Variants in GABBR2 observed in about 807,000 individuals in gnomAD.
GABBR2 encodes G-protein coupled receptor 51.
GABBR2 carries 23 observed loss-of-function variants against 105.6 expected under a neutral mutation model. The ratio of observed to expected loss-of-function variants is 0.22; its 90% CI spans 0.16 to 0.31. The LOEUF (loss-of-function observed/expected upper bound fraction) is 0.31, where lower values mean the gene tolerates loss of function less well. GABBR2 is among the 10% of genes least tolerant of loss of function. GABBR2 has a pLI of 1.00. For missense variants in GABBR2, 734 were observed against 1,245.5 expected (o/e 0.59, Z 6.18); for synonymous variants, 478 against 499.7 (o/e 0.96, Z 0.58).
intron 1 of GABBR2, among the ~76,000 whole-genome samples, chr9:98,591,520 C>T (rs1422758171): frequency 6.6e-6 from 1 of 152,128 alleles, no homozygotes; most frequent in Non-Finnish European, 1.5e-5. Context: ...AGGAGGAAGA[C>T]CCAATGGGGA....
At chr9:98,648,116 T>TGTGTATATAGATAGATAG in intron 1 of GABBR2, among the ~76,000 whole-genome samples, 2 of 55,948 alleles carry the variant, frequency 3.6e-5, no homozygotes, top group Non-Finnish European at 6.8e-5. Flanking sequence ...TGTGTGTGTG[T>TGTGTATATAGATAGATAG]ATAGATAGAT....
At chr9:98,550,007 C>G (rs1461166750) in intron 2 of GABBR2, among the ~76,000 whole-genome samples, 5 of 152,178 alleles carry the variant, frequency 3.3e-5, no homozygotes, top group Admixed American at 3.3e-4. Flanking sequence ...TGAGTGGTTG[C>G]CTTGAAGCCA....
chr9:98,344,142 C>T (rs1168718712), intron 13 of GABBR2, among the ~76,000 whole-genome samples: 1 of 152,016 alleles, frequency 6.6e-6, no homozygotes, highest in Non-Finnish European at 1.5e-5. Flanking sequence ...GTCCTTGGTC[C>T]CCTTCTCTTC....
chr9:98,423,073 C>T (rs1416769094), intron 7 of GABBR2, among the ~76,000 whole-genome samples: 7 of 152,098 alleles, frequency 4.6e-5, no homozygotes, highest in East Asian at 1.9e-4. Context: ...AATAAACACA[C>T]GTGTGCATGT....
At chr9:98,567,761 C>T (rs961734834) in intron 2 of GABBR2, among the ~76,000 whole-genome samples, 1 of 152,116 alleles carries the variant, frequency 6.6e-6, no homozygotes, top group East Asian at 1.9e-4. Flanking sequence ...GCTGCTAATT[C>T]GCCTAAGTTC....
chr9:98,652,731 G>T (rs929514565), intron 1 of GABBR2, among the ~76,000 whole-genome samples: 1 of 152,212 alleles, frequency 6.6e-6, no homozygotes, highest in Non-Finnish European at 1.5e-5. Context: ...GGAGGCAATG[G>T]GTCTTTTCCA....
intron 7 of GABBR2, among the ~76,000 whole-genome samples, chr9:98,423,431 C>T (rs1336909762): frequency 6.6e-6 from 1 of 152,090 alleles, no homozygotes; most frequent in African/African-American, 2.4e-5. Context: ...CTGTTCATAA[C>T]CTTTGCCCAC....
chr9:98,637,314 C>G (rs918052545), intron 1 of GABBR2, among the ~76,000 whole-genome samples: 2 of 152,142 alleles, frequency 1.3e-5, no homozygotes, highest in Admixed American at 6.5e-5. Context: ...CCTCCCCAAG[C>G]CCTTTCTTGT....
chr9:98,639,342 T>C (rs2131834915), intron 1 of GABBR2, among the ~76,000 whole-genome samples: 1 of 152,292 alleles, frequency 6.6e-6, no homozygotes, highest in Admixed American at 6.5e-5. Context: ...ATCCATTGTG[T>C]GTGCTACCAT....
intron 1 of GABBR2, among the ~76,000 whole-genome samples, chr9:98,633,972 G>A (rs1829848006): frequency 1.3e-5 from 2 of 152,198 alleles, no homozygotes; most frequent in Admixed American, 6.5e-5. Context: ...CTGAGCTGTG[G>A]TCAGTTACAC....
At chr9:98,317,378 C>A (rs953865481) in intron 13 of GABBR2, among the ~76,000 whole-genome samples, 1 of 152,218 alleles carries the variant, frequency 6.6e-6, no homozygotes, top group African/African-American at 2.4e-5. Flanking sequence ...CAATTACTCA[C>A]AATGTAGGTC....
At chr9:98,363,125 G>GT (rs1236703470) in intron 12 of GABBR2, among the ~76,000 whole-genome samples, 1 of 152,186 alleles carries the variant, frequency 6.6e-6, no homozygotes, top group African/African-American at 2.4e-5. Context: ...CCAGGTCTCT[G>GT]TAGGTGCTAG....
chr9:98,670,253 G>A, intron 1 of GABBR2, among the ~76,000 whole-genome samples: 1 of 149,974 alleles, frequency 6.7e-6, no homozygotes. Context: ...GTCAATTATA[G>A]AACATTTTCG....
chr9:98,472,124 T>G (rs1489112056), intron 6 of GABBR2, among the ~76,000 whole-genome samples: 1 of 152,200 alleles, frequency 6.6e-6, no homozygotes, highest in Non-Finnish European at 1.5e-5. Context: ...ATATAAAATT[T>G]GGTCTGTAAG....
chr9:98,557,099 A>G (rs1828598488), intron 2 of GABBR2, among the ~76,000 whole-genome samples: 1 of 152,144 alleles, frequency 6.6e-6, no homozygotes, highest in Non-Finnish European at 1.5e-5. Context: ...TTTTATAGGA[A>G]GTGAGTCCTA....
intron 7 of GABBR2, among the ~76,000 whole-genome samples, chr9:98,436,769 C>T (rs1033570634): frequency 6.6e-6 from 1 of 152,148 alleles, no homozygotes; most frequent in Middle Eastern, 3.4e-3. Context: ...GAACGTTTCT[C>T]AAAAGAAGAA....
intron 18 of GABBR2, 47 bp from the exon 19 acceptor site, chr9:98,290,796 C>T: frequency 1.5e-6 from 2 of 1,362,474 alleles, no homozygotes; most frequent in Non-Finnish European, 1.9e-6. Context: ...TAGCTGGGCG[C>T]TTACCAGAAA....
At chr9:98,351,939 C>T (rs1182112240) in intron 13 of GABBR2, among the ~76,000 whole-genome samples, 2 of 152,232 alleles carry the variant, frequency 1.3e-5, no homozygotes, top group Non-Finnish European at 2.9e-5. Context: ...TCTGGTATAA[C>T]AGCTGCTTCT....
intron 7 of GABBR2, among the ~76,000 whole-genome samples, chr9:98,446,273 T>C (rs73502902): frequency 0.051 from 7,821 of 152,218 alleles, 403 homozygotes; most frequent in African/African-American, 0.14. Flanking sequence ...GCAGTAGTAA[T>C]AATAATAGCA....
Sources: allele counts gnomAD v4.1 joint callset (sites outside exome capture counted in the v4.1 genomes callset), GRCh38; gene constraint gnomAD v4.1.1; transcripts MANE v1.5; gene names NCBI Gene and HGNC (gene_info 2026-07-23, HGNC 2026-07-21).